KIAA0513: variants seen among roughly 807,000 people sequenced by gnomAD.
KIAA0513 encodes the protein uncharacterized protein KIAA0513.
In KIAA0513, 39 loss-of-function variants were observed where a neutral mutation model predicts 56.5. The observed-to-expected ratio is 0.69, with a 90% CI of 0.53 to 0.90. The LOEUF (loss-of-function observed/expected upper bound fraction) is 0.90. Among genes scored for constraint, KIAA0513 ranks in the 40% least tolerant of loss-of-function variants. The pLI is 0.00. For synonymous variants in KIAA0513, 268 were observed against 215.6 expected (o/e 1.24, Z -2.13); for missense variants, 591 against 535.2 (o/e 1.10, Z -1.03).
At chr16:85,066,162 A>G (rs953697877) in intron 1 of KIAA0513, among the ~76,000 whole-genome samples, 6 of 152,198 alleles carry the variant, frequency 3.9e-5, no homozygotes, top group Admixed American at 6.5e-5. Flanking sequence ...TTCATGTTGA[A>G]TAGGAGCAGA....
intron 1 of KIAA0513, among the ~76,000 whole-genome samples, chr16:85,064,836 C>T (rs2073455716): frequency 6.6e-6 from 1 of 152,272 alleles, no homozygotes; most frequent in South Asian, 2.1e-4. Context: ...AGGCAAGCCC[C>T]ACCATGCCTG....
At chr16:85,049,714 C>T (rs907025710) in intron 1 of KIAA0513, among the ~76,000 whole-genome samples, 1 of 152,210 alleles carries the variant, frequency 6.6e-6, no homozygotes, top group Non-Finnish European at 1.5e-5. Context: ...ATGCCAGCAT[C>T]ATGCTTCCTG....
In KIAA0513 at chr16:85,045,140, C is replaced by A. The variant is rs892587592; in HGVS notation, c.-173+17282C>A. On this transcript the variant is annotated intron_variant, in intron 1 of 12. Coordinates refer to ENST00000683363, the MANE Select transcript of KIAA0513 (RefSeq NM_001388359.1). ...CTCTAAATAAATAAATAATAAATGA[C>A]AAAAAAAAAGAAAGCATCTGTCCCT... is the stretch of plus-strand genomic sequence containing the variant. Among the ~76,000 whole-genome samples the A allele has an allele frequency of 3.5e-3, 524 of 150,466 alleles. 2 individuals are homozygous for A. The highest frequency in any genetic ancestry group is 0.012 in the African/African-American group (499 of 41,048).
intron 1 of KIAA0513, among the ~76,000 whole-genome samples, chr16:85,035,335 T>G (rs1378406642): frequency 6.6e-6 from 1 of 152,222 alleles, no homozygotes; most frequent in Non-Finnish European, 1.5e-5. Flanking sequence ...GAAGAAACGC[T>G]GGTAGCACAG....
At chr16:85,050,765 A>T (rs954551538) in intron 1 of KIAA0513, among the ~76,000 whole-genome samples, 4 of 152,194 alleles carry the variant, frequency 2.6e-5, no homozygotes, top group African/African-American at 9.7e-5. Context: ...CAGAAACAGT[A>T]GATTGTGTGC....
chr16:85,082,635 G>A, intron 10 of KIAA0513, 42 bp downstream of exon 10: 3 of 1,608,878 alleles, frequency 1.9e-6, no homozygotes, highest in Non-Finnish European at 1.7e-6. Flanking sequence ...TACAGTGCGG[G>A]CTCCTGCGAA....
chr16:85,072,325 C>CA (rs2144040400), intron 3 of KIAA0513, among the ~76,000 whole-genome samples: 1 of 152,242 alleles, frequency 6.6e-6, no homozygotes, highest in South Asian at 2.1e-4. Context: ...TAAAGGCAAG[C>CA]ATGTGAATTA....
chr16:85,059,663 G>A (rs1200793374), intron 1 of KIAA0513, among the ~76,000 whole-genome samples: 1 of 152,180 alleles, frequency 6.6e-6, no homozygotes, highest in Non-Finnish European at 1.5e-5. Context: ...TGAATGAAAT[G>A]GTTTTGTGTA....
intron 2 of KIAA0513, among the ~76,000 whole-genome samples, chr16:85,070,050 A>C (rs1015482717): frequency 6.6e-6 from 1 of 151,806 alleles, no homozygotes; most frequent in Non-Finnish European, 1.5e-5. Context: ...ATGTACCCAT[A>C]GTCCCAGCTA....
At chr16:85,041,730 G>T (rs945567474) in intron 1 of KIAA0513, among the ~76,000 whole-genome samples, 1 of 152,176 alleles carries the variant, frequency 6.6e-6, no homozygotes, top group Non-Finnish European at 1.5e-5. Flanking sequence ...GAGCAGAGAG[G>T]TGACAAGCCA....
At chr16:85,043,711 C>T (rs1335329240) in intron 1 of KIAA0513, among the ~76,000 whole-genome samples, 2 of 152,076 alleles carry the variant, frequency 1.3e-5, no homozygotes, top group African/African-American at 4.8e-5. Context: ...CCATGCCTGG[C>T]CAGGAAATGA....
At chr16:85,051,328 C>A (rs1394793219) in intron 1 of KIAA0513, among the ~76,000 whole-genome samples, 1 of 152,106 alleles carries the variant, frequency 6.6e-6, no homozygotes, top group Non-Finnish European at 1.5e-5. Context: ...TCCCGGAGGT[C>A]ATAAAATAGG....
chr16:85,077,296 TC>T, intron 5 of KIAA0513, 128 bp from the exon 6 acceptor site: 1 of 832,264 alleles, frequency 1.2e-6, no homozygotes, highest in Non-Finnish European at 1.9e-6. Context: ...CCCCCTGTCC[TC>T]GGCTGAGGAG....
chr16:85,048,450 C>G (rs1277740149), intron 1 of KIAA0513, among the ~76,000 whole-genome samples: 1 of 152,178 alleles, frequency 6.6e-6, no homozygotes, highest in Non-Finnish European at 1.5e-5. Flanking sequence ...ACGATTGGAT[C>G]TGGGCTTGAT....
At position 85,089,946 on chromosome 16, in the gene KIAA0513, G is replaced by C. The variant is rs2073851470; in HGVS notation, c.*1621G>C. On this transcript the variant is annotated 3_prime_UTR_variant, in exon 13 of 13. Transcript: ENST00000683363. This position sits in a 1 kb window ranked among gnomAD's most constrained non-coding sequence, Gnocchi z 4.2. ...TGCTGCCAGACTGCAGAACGGGGGAGCCGGGGCTCAGGGCCCCTGACTGCA... is the reference window on the plus strand; with the variant it reads ...TGCTGCCAGACTGCAGAACGGGGGACCCGGGGCTCAGGGCCCCTGACTGCA... 1 of 152,116 alleles carries C rather than the reference G, an allele frequency of 6.6e-6. No homozygotes were observed. Among genetic ancestry groups the C allele is most frequent in the Middle Eastern group, 3.2e-3 (1 of 316 alleles). 9.4% of individuals were successfully genotyped at this position (152,116 alleles called of 1,614,324 possible). A position where few individuals can be genotyped will look rare whatever the true frequency, so the allele number is the denominator to read the frequency against.
chr16:85,033,039 C>G (rs1039511016), intron 1 of KIAA0513, among the ~76,000 whole-genome samples: 1 of 152,070 alleles, frequency 6.6e-6, no homozygotes, highest in African/African-American at 2.4e-5. Context: ...ATCCATAATG[C>G]CTTCCAGCAT....
At position 85,081,517 on chromosome 16, in the gene KIAA0513, C is replaced by T. The variant is rs141434046; in HGVS notation, c.980+125C>T. 28 of 858,542 alleles carry T rather than the reference C, an allele frequency of 3.3e-5. No homozygotes were observed. In the Middle Eastern group the frequency reaches 6.8e-4, roughly 21 times the overall value. The allele number at this position is 858,542 out of a possible 1,614,324, so 53.2% of individuals were successfully genotyped here. ...GGACGTGTCTGTTTTTTCTTCACCC[C>T]CTCATGGCCCTGGTGCCTCGCAAGC... On this transcript the variant is annotated intron_variant, in intron 9 of 12. Coordinates refer to ENST00000683363, the MANE Select transcript of KIAA0513 (RefSeq NM_001388359.1). This position sits in a 1 kb window ranked among gnomAD's most constrained non-coding sequence, Gnocchi z 4.4.
At chr16:85,086,003 G>C (rs2073803408) in intron 10 of KIAA0513, among the ~76,000 whole-genome samples, 1 of 152,224 alleles carries the variant, frequency 6.6e-6, no homozygotes, top group South Asian at 2.1e-4. Flanking sequence ...GAGGGGACTA[G>C]AGAGAGCATT....
intron 2 of KIAA0513, among the ~76,000 whole-genome samples, chr16:85,067,803 CTTTTTTTCTTTTT>C: frequency 6.6e-6 from 1 of 152,138 alleles, no homozygotes; most frequent in Non-Finnish European, 1.5e-5. Flanking sequence ...ATTTTCTTTT[CTTTTTTTCTTTTT>C]TTTTCTTTTT....
Sources: allele counts gnomAD v4.1 joint callset (sites outside exome capture counted in the v4.1 genomes callset), GRCh38; gene constraint gnomAD v4.1.1; non-coding constraint Gnocchi (gnomAD v3.1); transcripts MANE v1.5; gene names NCBI Gene and HGNC (gene_info 2026-07-23, HGNC 2026-07-21).